The following DOCK9 variants were observed in gnomAD, a reference collection of about 807,000 sequenced individuals.
The protein encoded by DOCK9 is dedicator of cytokinesis 9.
Under a neutral mutation model 263.3 loss-of-function variants are expected in DOCK9, and 89 were observed. The observed-to-expected ratio is 0.34, with a 90% CI of 0.28 to 0.40. DOCK9 has a LOEUF of 0.40. DOCK9 is among the 10% of genes least tolerant of loss of function. The pLI, the probability that DOCK9 is intolerant of heterozygous loss-of-function variation, is 1.00. For synonymous variants in DOCK9, 976 were observed against 973.1 expected (o/e 1.00, Z -0.06); for missense variants, 2,140 against 2,603.4 (o/e 0.82, Z 3.87).
intron 1 of DOCK9, among the ~76,000 whole-genome samples, chr13:99,054,939 G>A (rs1034567441): frequency 6.6e-6 from 1 of 152,110 alleles, no homozygotes; most frequent in Admixed American, 6.5e-5. Flanking sequence ...CCTAACTTAG[G>A]AGAGGTTTTC....
At chr13:98,944,431 A>G (rs1262951206) in intron 2 of DOCK9, among the ~76,000 whole-genome samples, 1 of 151,970 alleles carries the variant, frequency 6.6e-6, no homozygotes. Context: ...TGAGGAAAAA[A>G]AAAATAAAGA....
At chr13:98,950,950 T>C (rs1347398908) in intron 2 of DOCK9, among the ~76,000 whole-genome samples, 1 of 152,182 alleles carries the variant, frequency 6.6e-6, no homozygotes, top group Non-Finnish European at 1.5e-5. Flanking sequence ...TCCCATGTCT[T>C]TGATGGAAAA....
intron 1 of DOCK9, among the ~76,000 whole-genome samples, chr13:99,040,559 C>G (rs891001318): frequency 6.6e-6 from 1 of 152,104 alleles, no homozygotes; most frequent in African/African-American, 2.4e-5. Flanking sequence ...AAAACTCAAT[C>G]CAAACATTAT....
At position 98,901,699 on chromosome 13, in the gene DOCK9, A is replaced by AAAC. The variant is rs2048304101; in HGVS notation, c.1503+78_1503+79insGTT. 5 of 1,477,104 alleles carry AAAC rather than the reference A, an allele frequency of 3.4e-6. No individual in the cohort carries two copies. In the Admixed American group the frequency reaches 1.1e-4, roughly 33 times the overall value. 91.5% of individuals were successfully genotyped at this position (1,477,104 alleles called of 1,614,324 possible). A position where few individuals can be genotyped will look rare whatever the true frequency, so the allele number is the denominator to read the frequency against. The stretch of plus-strand genomic sequence containing the variant: ...ATAAATATGGCTTATGTTTGATTTC[A>AAAC]TTAAGGATTTATAGTATCACATAAA... On this transcript the variant is annotated intron_variant, in intron 13 of 52. Transcript: ENST00000682017.
intron 1 of DOCK9, chr13:99,015,723 G>A (rs1176846956): frequency 3.7e-5 from 52 of 1,418,992 alleles, no homozygotes; most frequent in East Asian, 5.0e-5. Context: ...AGCAGTCACC[G>A]GTACTGGAAC....
chr13:98,977,865 C>G lies in DOCK9; in HGVS notation c.45G>C (p.Lys15Asn). The G allele has an allele frequency of 3.7e-6, 6 of 1,602,962 alleles. No individual in the cohort carries two copies. Among genetic ancestry groups the G allele is most frequent in the Non-Finnish European group, 5.1e-6 (6 of 1,174,252 alleles). ...GCAGGGGGGACTCAATCACCAGTTCCTTTTTGACACTTCTACTACTTGTCC... is the reference window on the plus strand; with the variant it reads ...GCAGGGGGGACTCAATCACCAGTTCGTTTTTGACACTTCTACTACTTGTCC... ...KCRTSSRSVKKELVIESPLQY... is the reference protein window; with the variant it reads ...KCRTSSRSVKNELVIESPLQY... The change falls in exon 1 of 53, where the codon AAG (lysine) becomes AAC (asparagine). Residue 15 changes from lysine to asparagine, a missense_variant. By Grantham distance (94) the Lys-to-Asn change is moderately conservative (BLOSUM62 0). Transcript: ENST00000682017.
intron 2 of DOCK9, among the ~76,000 whole-genome samples, chr13:98,952,146 C>T (rs1265778098): frequency 6.6e-6 from 1 of 151,736 alleles, no homozygotes; most frequent in Non-Finnish European, 1.5e-5. Flanking sequence ...GATCCACCTG[C>T]CTCGGACTCC....
intron 52 of DOCK9, among the ~76,000 whole-genome samples, chr13:98,796,770 TAA>T (rs1339096522): frequency 5.3e-5 from 8 of 152,212 alleles, no homozygotes; most frequent in African/African-American, 1.9e-4. Context: ...ATTAAAGGAA[TAA>T]AGTTGTCAGA....
upstream of DOCK9, among the ~76,000 whole-genome samples, chr13:98,978,330 G>A (rs1409256847): frequency 6.6e-6 from 1 of 152,196 alleles, no homozygotes; most frequent in Non-Finnish European, 1.5e-5. Context: ...TCTGAAGCTC[G>A]TGGAGCTTAA....
At chr13:98,903,272 G>C (rs2048567951) in intron 10 of DOCK9, among the ~76,000 whole-genome samples, 160 bp from the exon 11 acceptor site, 1 of 152,114 alleles carries the variant, frequency 6.6e-6, no homozygotes, top group African/African-American at 2.4e-5. Context: ...ATGGTTTATA[G>C]TAGTTACACA....
At chr13:98,900,696 A>G (rs895732204) in intron 13 of DOCK9, among the ~76,000 whole-genome samples, 1 of 152,232 alleles carries the variant, frequency 6.6e-6, no homozygotes, top group Non-Finnish European at 1.5e-5. Flanking sequence ...AAGTAACATC[A>G]TCCTTCATGC....
intron 1 of DOCK9, among the ~76,000 whole-genome samples, chr13:99,057,264 A>T (rs780598816): frequency 1.3e-5 from 2 of 152,212 alleles, no homozygotes; most frequent in Non-Finnish European, 2.9e-5. Flanking sequence ...AAATTAACAC[A>T]TCTAATTCCT....
chr13:98,836,580 G>A (rs2093007383), intron 39 of DOCK9, among the ~76,000 whole-genome samples: 1 of 152,110 alleles, frequency 6.6e-6, no homozygotes, highest in Non-Finnish European at 1.5e-5. Context: ...TCCAGGTAAT[G>A]AGGCGCTTCT....
At chr13:99,080,727 G>C (rs1282596830) in intron 1 of DOCK9, among the ~76,000 whole-genome samples, 1 of 152,156 alleles carries the variant, frequency 6.6e-6, no homozygotes, top group Non-Finnish European at 1.5e-5. Flanking sequence ...CACTGGTTCT[G>C]TGCTTTCATC....
chr13:99,037,507 C>T (rs531594358), intron 1 of DOCK9, among the ~76,000 whole-genome samples: 11 of 152,188 alleles, frequency 7.2e-5, no homozygotes, highest in African/African-American at 1.9e-4. Context: ...CATACTCTGC[C>T]GGTGGAAATA....
chr13:99,058,858 G>A (rs1341565479), intron 1 of DOCK9, among the ~76,000 whole-genome samples: 1 of 152,086 alleles, frequency 6.6e-6, no homozygotes, highest in Non-Finnish European at 1.5e-5. Context: ...CCTTACCAAA[G>A]CCATCACTTC....
At chr13:99,045,175 G>A (rs1888847923) in intron 1 of DOCK9, among the ~76,000 whole-genome samples, 1 of 152,302 alleles carries the variant, frequency 6.6e-6, no homozygotes, top group South Asian at 2.1e-4. Flanking sequence ...CAAAGAAAAT[G>A]AAATCGCTGT....
At chr13:98,796,001 C>A (rs562288490) in intron 52 of DOCK9, among the ~76,000 whole-genome samples, 8 of 152,190 alleles carry the variant, frequency 5.3e-5, no homozygotes, top group Non-Finnish European at 7.4e-5. Flanking sequence ...TCAGATGATC[C>A]ACCCATCTTG....
intron 1 of DOCK9, among the ~76,000 whole-genome samples, chr13:98,956,852 T>C (rs2058114138): frequency 6.6e-6 from 1 of 152,250 alleles, no homozygotes; most frequent in African/African-American, 2.4e-5. Context: ...ATAAATGCTT[T>C]ATATATTAAA....
Sources: gnomAD v4.1 joint callset for allele counts (sites outside exome capture counted in the v4.1 genomes callset) on GRCh38, gnomAD v4.1.1 for gene constraint, MANE v1.5 for transcripts, NCBI Gene and HGNC (gene_info 2026-07-23, HGNC 2026-07-21) for gene names.